Variants in DLGAP2 observed in about 807,000 individuals in gnomAD.
The protein encoded by DLGAP2 is disks large-associated protein 2.
A neutral mutation model predicts 100.3 loss-of-function variants in DLGAP2; 26 were observed. The observed-to-expected ratio is 0.26, with a 90% CI of 0.19 to 0.36. The LOEUF is 0.36. Ranked by LOEUF, DLGAP2 falls within the 10% of genes least tolerant of loss-of-function variation. The probability of loss-of-function intolerance (pLI) is 1.00; values close to 1 mark genes in which losing one functional copy is unlikely to be tolerated. For synonymous variants in DLGAP2, 886 were observed against 630.1 expected (o/e 1.41, Z -6.08); for missense variants, 1,858 against 1,453.2 (o/e 1.28, Z -4.53).
rs151103930 is a variant in DLGAP2, at chr8:1,176,077, G to A, written c.74-82774G>A. 6.0e-3 allele frequency among the ~76,000 whole-genome samples: 918 copies of A among 152,170 alleles called. 2 individuals are homozygous for A. Among genetic ancestry groups the A allele is most frequent in the Admixed American group, 0.011 (168 of 15,294 alleles). On this transcript the variant is annotated intron_variant, in intron 2 of 14. Transcript: ENST00000637795. ...TGCATAAAAATACTACCTGAAACTG[G>A]GTAATTTATAAACAAAAGAGGTTTA... is the stretch of plus-strand genomic sequence containing the variant.
intron 2 of DLGAP2, among the ~76,000 whole-genome samples, chr8:1,233,437 T>C (rs558562798): frequency 6.6e-6 from 1 of 152,316 alleles, no homozygotes; most frequent in African/African-American, 2.4e-5. Flanking sequence ...ATTGCAAACG[T>C]CCTGCCTACC....
intron 3 of DLGAP2, among the ~76,000 whole-genome samples, chr8:1,367,175 C>T (rs536828297): frequency 6.6e-6 from 1 of 152,298 alleles, no homozygotes; most frequent in Admixed American, 6.5e-5. Context: ...AACAGTTTAT[C>T]TTAGGAATGG....
At chr8:1,650,123 A>C (rs543096301) in intron 8 of DLGAP2, among the ~76,000 whole-genome samples, 1 of 152,214 alleles carries the variant, frequency 6.6e-6, no homozygotes, top group African/African-American at 2.4e-5. Context: ...TATTTCTTGT[A>C]TCCATTTATT....
intron 12 of DLGAP2, among the ~76,000 whole-genome samples, chr8:1,689,535 A>G (rs887817005): frequency 2.6e-5 from 4 of 152,112 alleles, no homozygotes; most frequent in African/African-American, 9.7e-5. Context: ...CTTCCTTCCA[A>G]CGGAAGCAGG....
chr8:778,686 C>T (rs1211343594), intron 1 of DLGAP2, among the ~76,000 whole-genome samples: 1 of 152,240 alleles, frequency 6.6e-6, no homozygotes, highest in African/African-American at 2.4e-5. Context: ...CTTGAGGAGG[C>T]AGTCTGCCCC....
At chr8:884,373 G>C (rs371384848) in intron 1 of DLGAP2, among the ~76,000 whole-genome samples, 45 of 152,174 alleles carry the variant, frequency 3.0e-4, no homozygotes, top group African/African-American at 1.1e-3. Context: ...GTTTTGATTT[G>C]CATTTCTGTG....
chr8:1,120,528 G>T (rs966780886), intron 2 of DLGAP2, among the ~76,000 whole-genome samples: 9 of 151,890 alleles, frequency 5.9e-5, no homozygotes, highest in African/African-American at 1.7e-4. Flanking sequence ...CAGCTACCCA[G>T]CTGCCCATCT....
intron 8 of DLGAP2, among the ~76,000 whole-genome samples, chr8:1,664,692 G>T (rs1157110607): frequency 6.6e-6 from 1 of 152,170 alleles, no homozygotes; most frequent in Non-Finnish European, 1.5e-5. Flanking sequence ...TGGACATTCA[G>T]TTCAATATTG....
At chr8:1,559,819 G>A (rs1309804018) in intron 5 of DLGAP2, among the ~76,000 whole-genome samples, 1 of 152,192 alleles carries the variant, frequency 6.6e-6, no homozygotes. Context: ...CCGTGCCCAG[G>A]AACTGGGTGG....
intron 6 of DLGAP2, among the ~76,000 whole-genome samples, chr8:1,571,500 G>C (rs1303004472): frequency 6.9e-6 from 1 of 145,896 alleles, no homozygotes; most frequent in Admixed American, 6.8e-5. Context: ...GAGGAGAAAG[G>C]GGTGAACTGG....
intron 3 of DLGAP2, among the ~76,000 whole-genome samples, chr8:1,321,363 C>T (rs182891425): frequency 4.4e-4 from 67 of 151,354 alleles, no homozygotes; most frequent in African/African-American, 1.6e-3. Context: ...TGCATCCGTA[C>T]CATGTGCGTG....
intron 1 of DLGAP2, among the ~76,000 whole-genome samples, chr8:858,607 G>GTGTGTGACGCTGTCACCGTGGGCACA (rs1491553219): frequency 8.7e-5 from 11 of 126,098 alleles, no homozygotes; most frequent in African/African-American, 3.3e-4. Context: ...CCGTGGGCAC[G>GTGTGTGACGCTGTCACCGTGGGCACA]TGTGTGATGC....
rs141154340 is a variant in DLGAP2 at position 1,585,561 on chromosome 8, T to G, written c.1442+19667T>G. On this transcript the variant is annotated intron_variant, in intron 6 of 14. Transcript: ENST00000637795. ...CGAACTGCAACTGAAAAACACATAA[T>G]CCACAGACCACGTAAGCTTTTCTTT... Among the ~76,000 whole-genome samples, 222 of 152,282 alleles carry G rather than the reference T, an allele frequency of 1.5e-3. 1 individual carries two copies. The highest frequency in any genetic ancestry group is 5.1e-3 in the African/African-American group (214 of 41,572).
chr8:1,133,695 A>G (rs1310200903), intron 2 of DLGAP2, among the ~76,000 whole-genome samples: 1 of 152,258 alleles, frequency 6.6e-6, no homozygotes, highest in Non-Finnish European at 1.5e-5. Context: ...ATTCATATTA[A>G]TATTAATCAT....
chr8:1,303,937 C>G (rs1012538032), intron 3 of DLGAP2, among the ~76,000 whole-genome samples: 6 of 152,106 alleles, frequency 3.9e-5, no homozygotes, highest in South Asian at 2.1e-4. Context: ...TAAATGGAGC[C>G]GCTGATGCAC....
At chr8:1,675,063 G>A (rs568273813) in intron 10 of DLGAP2, among the ~76,000 whole-genome samples, 2 of 152,274 alleles carry the variant, frequency 1.3e-5, no homozygotes, top group Non-Finnish European at 2.9e-5. Flanking sequence ...CCTGTAGCCC[G>A]TCTCACCCAG....
At chr8:1,605,300 GC>G (rs1222820311) in intron 6 of DLGAP2, among the ~76,000 whole-genome samples, 1 of 152,154 alleles carries the variant, frequency 6.6e-6, no homozygotes, top group Non-Finnish European at 1.5e-5. Flanking sequence ...ACCAATTTGA[GC>G]CGAAGATGGT....
At chr8:1,440,764 G>C (rs187923965) in intron 3 of DLGAP2, among the ~76,000 whole-genome samples, 2 of 152,320 alleles carry the variant, frequency 1.3e-5, no homozygotes, top group Admixed American at 6.5e-5. Context: ...GCTCGTGGCA[G>C]ATGAACCTGC....
At position 1,683,954 on chromosome 8, in the gene DLGAP2, G is replaced by GTGTATATATATATA. The variant is rs1450063590; in HGVS notation, c.2704+5326_2704+5327insGTATATATATATAT. Among the ~76,000 whole-genome samples, 233 of 74,706 alleles carry GTGTATATATATATA rather than the reference G, an allele frequency of 3.1e-3. 5 individuals are homozygous for GTGTATATATATATA. Among genetic ancestry groups the GTGTATATATATATA allele is most frequent in the Non-Finnish European group, 4.2e-3 (183 of 43,162 alleles). The allele number at this position is 74,706 out of a possible 152,430, so 49.0% of individuals were successfully genotyped here. A position where few individuals can be genotyped will look rare whatever the true frequency, so the allele number is the denominator to read the frequency against. ...TATATATGTGTATATATATATGTGT[G>GTGTATATATATATA]TATATATATATATATATATATATAT... On this transcript the variant is annotated intron_variant, in intron 12 of 14. Transcript: ENST00000637795.
Sources: gnomAD v4.1 joint callset for allele counts (sites outside exome capture counted in the v4.1 genomes callset) on GRCh38, gnomAD v4.1.1 for gene constraint, MANE v1.5 for transcripts, NCBI Gene and HGNC (gene_info 2026-07-23, HGNC 2026-07-21) for gene names.